SEM1: variants seen among roughly 807,000 people sequenced by gnomAD.
SEM1 encodes SEM1 26S proteasome subunit.
Under a neutral mutation model 12.7 loss-of-function variants are expected in SEM1, and 3 were observed. The ratio of observed to expected loss-of-function variants is 0.24; its 90% CI spans 0.11 to 0.61. The LOEUF (loss-of-function observed/expected upper bound fraction) is 0.61. SEM1 is among the 20% of genes least tolerant of loss of function. SEM1 has a pLI of 0.88. For missense variants in SEM1, 59 were observed against 81.3 expected, an observed-to-expected ratio of 0.73 and a Z score of 1.06; for synonymous variants, 30 against 27.8, an observed-to-expected ratio of 1.08 and a Z score of -0.25.
At chr7:96,506,023 G>T (rs1429563524) in intron 3 of SEM1, among the ~76,000 whole-genome samples, 1 of 152,128 alleles carries the variant, frequency 6.6e-6, no homozygotes, top group South Asian at 2.1e-4. Context: ...GGATTTAAAT[G>T]TATTTGATCA....
At chr7:96,587,665 T>TC (rs1554420864) in intron 2 of SEM1, among the ~76,000 whole-genome samples, 28,172 of 147,470 alleles carry the variant, frequency 0.19, 2,731 homozygotes, top group African/African-American at 0.24. Flanking sequence ...TTTTTTTTTT[T>TC]CCCCAGGAAA....
chr7:96,706,570 CAAAAAAAAAAA>C lies in SEM1; in HGVS notation c.76+3107_76+3117del, dbSNP rs67892273. Among the ~76,000 whole-genome samples, 386 of 78,088 alleles carry C rather than the reference CAAAAAAAAAAA, an allele frequency of 4.9e-3. 1 individual carries two copies. The highest frequency in any genetic ancestry group is 0.043 in the South Asian group (104 of 2,424). 51.2% of individuals were successfully genotyped at this position (78,088 alleles called of 152,430 possible). A position where few individuals can be genotyped will look rare whatever the true frequency, so the allele number is the denominator to read the frequency against. On this transcript the variant is annotated intron_variant, in intron 1 of 2. Transcript: ENST00000248566. ...AGAGTGAAACTCCATCTCAAACAAA[CAAAAAAAAAAA>C]AAAAAAAAAAAAAAGAGAGAGAGAA... is the stretch of plus-strand genomic sequence containing the variant.
At chr7:96,508,221 A>C (rs1489847672) in intron 2 of SEM1, among the ~76,000 whole-genome samples, 3 of 152,118 alleles carry the variant, frequency 2.0e-5, no homozygotes, top group African/African-American at 7.2e-5. Flanking sequence ...GTGGAGATTC[A>C]GGGGGAATCA....
chr7:96,484,863 A>G (rs796130323), intron 2 of SEM1: 2 of 1,287,656 alleles, frequency 1.6e-6, no homozygotes, highest in Non-Finnish European at 2.0e-6. Context: ...AGCTGTAAAT[A>G]TTAGATTTCA....
intron 2 of SEM1, among the ~76,000 whole-genome samples, chr7:96,537,745 T>C (rs1027056788): frequency 1.3e-5 from 2 of 151,766 alleles, no homozygotes; most frequent in African/African-American, 4.8e-5. Context: ...TTCTTTGTTT[T>C]TCTGGGTTTT....
intron 2 of SEM1, among the ~76,000 whole-genome samples, chr7:96,605,793 A>C (rs1256794151): frequency 6.6e-6 from 1 of 152,112 alleles, no homozygotes; most frequent in Non-Finnish European, 1.5e-5. Context: ...GTCAACCCCC[A>C]TCCAAAAATA....
At chr7:96,581,396 A>G (rs368709941) in intron 2 of SEM1, among the ~76,000 whole-genome samples, 7 of 152,044 alleles carry the variant, frequency 4.6e-5, no homozygotes, top group South Asian at 4.2e-4. Flanking sequence ...GTTTGAAGTC[A>G]GGTAGTGTGA....
intron 2 of SEM1, among the ~76,000 whole-genome samples, chr7:96,536,816 A>C (rs1804801191): frequency 1.3e-5 from 2 of 151,790 alleles, no homozygotes; most frequent in Non-Finnish European, 2.9e-5. Context: ...TTATATTTAA[A>C]GTGTATTTCT....
At chr7:96,580,367 C>T (rs1227071135) in intron 2 of SEM1, among the ~76,000 whole-genome samples, 3 of 150,008 alleles carry the variant, frequency 2.0e-5, no homozygotes, top group Non-Finnish European at 4.4e-5. Context: ...TCCAGTCTAT[C>T]ATTGTTGGAC....
chr7:96,616,680 G>C (rs1378124715), intron 2 of SEM1, among the ~76,000 whole-genome samples: 1 of 151,678 alleles, frequency 6.6e-6, no homozygotes, highest in Non-Finnish European at 1.5e-5. Context: ...TATATTTTTG[G>C]GTCTTATATT....
chr7:96,496,968 C>T (rs544415903), upstream of SEM1, among the ~76,000 whole-genome samples: 9 of 151,588 alleles, frequency 5.9e-5, no homozygotes, highest in East Asian at 1.7e-3. Context: ...CGTATTCTTC[C>T]TGGGTCTCCT....
chr7:96,580,182 G>C (rs201723149), intron 2 of SEM1, among the ~76,000 whole-genome samples: 1 of 139,334 alleles, frequency 7.2e-6, no homozygotes, highest in Admixed American at 7.8e-5. Flanking sequence ...GTGTGTTCTC[G>C]TTGTTCAATT....
intron 2 of SEM1, among the ~76,000 whole-genome samples, chr7:96,584,267 C>CTTTTCATTCT (rs1431622165): frequency 6.6e-6 from 1 of 152,112 alleles, no homozygotes; most frequent in African/African-American, 2.4e-5. Flanking sequence ...GTTGAAAATT[C>CTTTTCATTCT]TTTTCTTTAA....
chr7:96,573,748 G>A (rs1490091132), intron 2 of SEM1, among the ~76,000 whole-genome samples: 2 of 151,866 alleles, frequency 1.3e-5, no homozygotes. Context: ...TGTGTCTTGG[G>A]GTTGCTCTTC....
intron 2 of SEM1, among the ~76,000 whole-genome samples, chr7:96,610,678 G>C (rs1807512755): frequency 6.6e-6 from 1 of 152,150 alleles, no homozygotes; most frequent in African/African-American, 2.4e-5. Context: ...ATATAGAATT[G>C]GAAGTTTCTA....
intron 2 of SEM1, among the ~76,000 whole-genome samples, chr7:96,514,374 A>G (rs971245309): frequency 2.6e-5 from 4 of 152,112 alleles, no homozygotes; most frequent in African/African-American, 9.7e-5. Flanking sequence ...TACCATACCC[A>G]GCTGCAACTA....
intron 2 of SEM1, among the ~76,000 whole-genome samples, chr7:96,634,314 T>C (rs1333176660): frequency 6.6e-6 from 1 of 152,114 alleles, no homozygotes; most frequent in Non-Finnish European, 1.5e-5. Flanking sequence ...GAGTCTTCTA[T>C]TTCTGTTTTA....
chr7:96,543,383 C>CT (rs1805012098), intron 2 of SEM1, among the ~76,000 whole-genome samples: 1 of 151,780 alleles, frequency 6.6e-6, no homozygotes, highest in African/African-American at 2.4e-5. Flanking sequence ...GCAGGGGTTC[C>CT]TAGAACCAAT....
intron 2 of SEM1, among the ~76,000 whole-genome samples, chr7:96,605,737 C>T (rs1410488287): frequency 2.0e-5 from 3 of 152,012 alleles, no homozygotes; most frequent in Non-Finnish European, 2.9e-5. Context: ...GTACAGTAGT[C>T]CCCCATTATC....
Sources: gnomAD v4.1 joint callset for allele counts (sites outside exome capture counted in the v4.1 genomes callset) on GRCh38, gnomAD v4.1.1 for gene constraint, MANE v1.5 for transcripts, NCBI Gene and HGNC (gene_info 2026-07-23, HGNC 2026-07-21) for gene names.